The following COL13A1 variants were observed in gnomAD, a reference collection of about 807,000 sequenced individuals.
The protein encoded by COL13A1 is collagen type XIII alpha 1 chain.
Under a neutral mutation model 130.9 loss-of-function variants are expected in COL13A1, and 89 were observed. The observed-to-expected ratio is 0.68, with a 90% CI of 0.57 to 0.81. COL13A1 has a LOEUF of 0.81. COL13A1 is among the 30% of genes least tolerant of loss of function. The pLI, the probability that COL13A1 is intolerant of heterozygous loss-of-function variation, is 0.00. For synonymous variants in COL13A1, 402 were observed against 341.6 expected (o/e 1.18, Z -1.95); for missense variants, 879 against 934.6 (o/e 0.94, Z 0.78).
rs1169446337 is a variant in COL13A1, at chr10:69,918,301, C to T, written c.983C>T (p.Ala328Val). 5 of 1,612,770 alleles carry T rather than the reference C, an allele frequency of 3.1e-6. No individual in the cohort carries two copies. Among genetic ancestry groups the T allele is most frequent in the Non-Finnish European group, 4.2e-6 (5 of 1,179,490 alleles). ...CTCTGCCAGGGGGCGCCCGGAATTG[C>T]CGTGGCTGGGATGAAGGTCAGTGGA... ...KHGAKGAPGI[A>V]VAGMKGEPGI... is the part of the protein sequence containing the mutation. Residue 328 changes from alanine to valine, a missense_variant, in exon 19 of 41, where the codon GCC becomes GTC. Transcript: ENST00000645393.
At chr10:69,871,208 G>T (rs1408488799) in intron 3 of COL13A1, among the ~76,000 whole-genome samples, 1 of 152,066 alleles carries the variant, frequency 6.6e-6, no homozygotes, top group Non-Finnish European at 1.5e-5. Flanking sequence ...CTGGTTTAAG[G>T]GACGCAGTGC....
chr10:69,912,386 G>T (rs897179989), intron 17 of COL13A1, among the ~76,000 whole-genome samples: 2 of 152,226 alleles, frequency 1.3e-5, no homozygotes, highest in African/African-American at 4.8e-5. Context: ...TGGTGTGGAA[G>T]ATGGCTGTAG....
chr10:69,897,162 A>G (rs1359647503), intron 13 of COL13A1, among the ~76,000 whole-genome samples: 1 of 152,172 alleles, frequency 6.6e-6, no homozygotes, highest in African/African-American at 2.4e-5. Flanking sequence ...ACTCTGGGGA[A>G]CATGTCAAGC....
chr10:69,899,214 C>G (rs921008205), intron 14 of COL13A1, among the ~76,000 whole-genome samples: 1 of 152,206 alleles, frequency 6.6e-6, no homozygotes, highest in African/African-American at 2.4e-5. Context: ...GGGCAAGTTA[C>G]TTGACCTGTG....
intron 39 of COL13A1, 38 bp from the exon 40 acceptor site, chr10:69,956,966 A>G: frequency 3.1e-6 from 5 of 1,593,602 alleles, no homozygotes; most frequent in Non-Finnish European, 4.3e-6. Context: ...GGACCATTGC[A>G]GGAAGTCTGA....
At chr10:69,810,181 G>A (rs948965673) in intron 1 of COL13A1, among the ~76,000 whole-genome samples, 3 of 152,128 alleles carry the variant, frequency 2.0e-5, no homozygotes, top group Non-Finnish European at 2.9e-5. Flanking sequence ...GCCCTTGTAC[G>A]GGTGATGCTG....
intron 30 of COL13A1, among the ~76,000 whole-genome samples, 187 bp downstream of exon 30, chr10:69,930,739 C>T (rs896870265): frequency 3.9e-5 from 6 of 152,182 alleles, no homozygotes; most frequent in Non-Finnish European, 7.3e-5. Context: ...GCCAGTTTCC[C>T]GACTCAGGAG....
chr10:69,866,569 C>T (rs1256772274), intron 2 of COL13A1, among the ~76,000 whole-genome samples: 1 of 152,124 alleles, frequency 6.6e-6, no homozygotes, highest in African/African-American at 2.4e-5. Context: ...CCAGATGCTC[C>T]CCCTGCTCTG....
At chr10:69,936,145 G>T (rs2066858198) in intron 32 of COL13A1, among the ~76,000 whole-genome samples, 1 of 4,176 alleles carries the variant, frequency 2.4e-4, no homozygotes, top group Admixed American at 5.3e-3. Context: ...AGGAAGGAAG[G>T]AAGGAAGGAA....
intron 2 of COL13A1, among the ~76,000 whole-genome samples, chr10:69,843,917 G>A (rs1852290219): frequency 6.6e-6 from 1 of 152,178 alleles, no homozygotes; most frequent in African/African-American, 2.4e-5. Flanking sequence ...ATCTGCTGTG[G>A]GCCAGGCGCT....
intron 1 of COL13A1, among the ~76,000 whole-genome samples, chr10:69,820,200 C>G (rs1209466664): frequency 6.6e-6 from 1 of 152,062 alleles, no homozygotes; most frequent in Non-Finnish European, 1.5e-5. Context: ...TTTTGTTTTT[C>G]TATTGATTTT....
Position 69,940,997 on chromosome 10 carries a change from G to A in COL13A1, c.1888G>A (p.Gly630Ser). ...RGPLGLPGASGLDGRPGPPGT... is the reference protein window; with the variant it reads ...RGPLGLPGASSLDGRPGPPGT... ...TGTGCCCTTCGTCCAGGGAGCTTCA[G>A]GTTTGGACGGCAGGCCTGGGCCACC... is the stretch of plus-strand genomic sequence containing the variant. The change falls in exon 35 of 41, where the codon GGT becomes AGT. Residue 630 changes from glycine to serine, a missense_variant. Physicochemically the swap from Gly to Ser is moderately conservative, Grantham distance 56 (BLOSUM62 0). This residue lies in a region of COL13A1 where 96 missense variants were observed against 147.7 expected (regional missense o/e 0.65). Coordinates refer to ENST00000645393, the MANE Select transcript of COL13A1 (RefSeq NM_001368882.1). The A allele has an allele frequency of 6.2e-7, 1 of 1,613,898 alleles. No individual in the cohort carries two copies. The highest frequency in any genetic ancestry group is 1.3e-5 in the African/African-American group (1 of 75,022).
At chr10:69,852,515 A>G (rs1307236929) in intron 2 of COL13A1, among the ~76,000 whole-genome samples, 1 of 152,252 alleles carries the variant, frequency 6.6e-6, no homozygotes, top group Admixed American at 6.5e-5. Context: ...TTCTACCTCT[A>G]TAGTGCCAGC....
At chr10:69,817,439 G>T (rs1170493138) in intron 1 of COL13A1, among the ~76,000 whole-genome samples, 1 of 151,706 alleles carries the variant, frequency 6.6e-6, no homozygotes, top group Non-Finnish European at 1.5e-5. Flanking sequence ...GGACGTTGGT[G>T]GTTTGGGGAG....
At chr10:69,913,570 G>A (rs1362718136) in intron 17 of COL13A1, among the ~76,000 whole-genome samples, 1 of 152,160 alleles carries the variant, frequency 6.6e-6, no homozygotes, top group East Asian at 1.9e-4. Flanking sequence ...GTGGGCCACT[G>A]TCCTCCTCGG....
rs748057373 is a variant in COL13A1 at position 69,952,906 on chromosome 10, A to G, written c.2083A>G (p.Arg695Gly). 6.4e-7 allele frequency: 1 copy of G among 1,556,752 alleles called. No individual in the cohort carries two copies. The highest frequency in any genetic ancestry group is 8.6e-7 in the Non-Finnish European group (1 of 1,159,902). ...GGGGGAGAGGGGGAAGAAAGGCTCTAGAGGGCCTAAAGGGGATAAGGGAGA... is the reference window on the plus strand; with the variant it reads ...GGGGGAGAGGGGGAAGAAAGGCTCTGGAGGGCCTAAAGGGGATAAGGGAGA... ...NRGERGKKGS[R>G]GPKGDKGDQG... Residue 695 changes from arginine to glycine, a missense_variant, in exon 39 of 41, where the codon AGA becomes GGA. Physicochemically the swap from Arg to Gly is moderately radical, Grantham distance 125 (BLOSUM62 -2). Coordinates refer to ENST00000645393, the MANE Select transcript of COL13A1 (RefSeq NM_001368882.1).
chr10:69,896,644 C>T (rs571852246), intron 13 of COL13A1, among the ~76,000 whole-genome samples: 3 of 152,346 alleles, frequency 2.0e-5, no homozygotes, highest in South Asian at 4.1e-4. Flanking sequence ...GGCCTAGCCT[C>T]TGCCCAGACC....
chr10:69,831,926 G>C (rs1451263822), intron 2 of COL13A1, among the ~76,000 whole-genome samples: 1 of 152,188 alleles, frequency 6.6e-6, no homozygotes, highest in East Asian at 1.9e-4. Context: ...TACCTTGTTG[G>C]ACTGATGGGC....
chr10:69,865,000 G>A (rs927678419), intron 2 of COL13A1, among the ~76,000 whole-genome samples: 7 of 152,220 alleles, frequency 4.6e-5, no homozygotes, highest in African/African-American at 1.2e-4. Flanking sequence ...GTGCATGGGC[G>A]GAGTCCAGGT....
Sources: gnomAD v4.1 joint callset for allele counts (sites outside exome capture counted in the v4.1 genomes callset) on GRCh38, gnomAD v4.1.1 for gene constraint, gnomAD v4.1.1 regional missense constraint, MANE v1.5 for transcripts, NCBI Gene and HGNC (gene_info 2026-07-23, HGNC 2026-07-21) for gene names.